Variants in CCSER1 observed in about 807,000 individuals in gnomAD.
CCSER1 encodes serine-rich coiled-coil domain-containing protein 1.
Under a neutral mutation model 82.0 loss-of-function variants are expected in CCSER1, and 41 were observed. The ratio of observed to expected loss-of-function variants is 0.50; its 90% CI spans 0.39 to 0.65. CCSER1 has a LOEUF of 0.65. CCSER1 is among the 30% of genes least tolerant of loss of function. The pLI is 0.00. For missense variants in CCSER1, 1,119 were observed against 1,064.2 expected (o/e 1.05, Z -0.72); for synonymous variants, 414 against 383.9 (o/e 1.08, Z -0.92).
In CCSER1 at chr4:90,467,445, G is replaced by A. The variant is rs185649964; in HGVS notation, c.1604-789G>A. 5.6e-3 allele frequency among the ~76,000 whole-genome samples: 853 copies of A among 152,124 alleles called. 5 individuals carry two copies. Among genetic ancestry groups the A allele is most frequent in the Non-Finnish European group, 9.3e-3 (629 of 67,986 alleles). ...TCATGCCTGTAATCCCAGCACTTTG[G>A]GAGGCTGAGGCGGGCCGATCTCGAG... On this transcript the variant is annotated intron_variant, in intron 4 of 10. Coordinates refer to ENST00000509176, the MANE Select transcript of CCSER1 (RefSeq NM_001145065.2).
chr4:91,366,810 T>C (rs1489341069), intron 10 of CCSER1, among the ~76,000 whole-genome samples: 1 of 152,196 alleles, frequency 6.6e-6, no homozygotes, highest in African/African-American at 2.4e-5. Flanking sequence ...ATAATGCAGT[T>C]TCACTATACA....
intron 10 of CCSER1, among the ~76,000 whole-genome samples, chr4:91,458,828 CTT>C (rs1192683153): frequency 1.3e-5 from 2 of 152,042 alleles, no homozygotes; most frequent in Non-Finnish European, 2.9e-5. Context: ...ATGCTGTTGA[CTT>C]TTGTACAATG....
chr4:91,512,037 G>A (rs1349734844), intron 10 of CCSER1, among the ~76,000 whole-genome samples: 1 of 152,100 alleles, frequency 6.6e-6, no homozygotes, highest in Admixed American at 6.6e-5. Context: ...GATCTGTGAT[G>A]GTTAATATTG....
intron 10 of CCSER1, among the ~76,000 whole-genome samples, chr4:91,212,649 G>T (rs1736914171): frequency 1.3e-5 from 2 of 152,044 alleles, no homozygotes; most frequent in African/African-American, 4.8e-5. Context: ...GAGGGTAAAA[G>T]AAAAAGTGAA....
intron 5 of CCSER1, among the ~76,000 whole-genome samples, chr4:90,551,343 T>C (rs1777452620): frequency 6.6e-6 from 1 of 152,156 alleles, no homozygotes; most frequent in Non-Finnish European, 1.5e-5. Flanking sequence ...TTCTCCCTCA[T>C]ATTTCATATT....
At chr4:90,134,533 T>A (rs956067344) in intron 1 of CCSER1, among the ~76,000 whole-genome samples, 1 of 152,220 alleles carries the variant, frequency 6.6e-6, no homozygotes, top group Non-Finnish European at 1.5e-5. Flanking sequence ...AATGAAAATT[T>A]AAGATGTAAC....
At chr4:90,164,041 A>G (rs1404848710) in intron 1 of CCSER1, among the ~76,000 whole-genome samples, 5 of 152,038 alleles carry the variant, frequency 3.3e-5, no homozygotes, top group Admixed American at 2.0e-4. Context: ...GTCTTGGGTC[A>G]TGTTTGTCAG....
intron 1 of CCSER1, among the ~76,000 whole-genome samples, chr4:90,268,597 A>C (rs9996134): frequency 0.055 from 8,369 of 152,110 alleles, 623 homozygotes; most frequent in African/African-American, 0.17. Context: ...GAGAAAATCA[A>C]CTTCACTAAA....
At chr4:91,438,492 T>G (rs1239574574) in intron 10 of CCSER1, among the ~76,000 whole-genome samples, 2 of 151,864 alleles carry the variant, frequency 1.3e-5, no homozygotes, top group African/African-American at 4.8e-5. Flanking sequence ...TACATCACCA[T>G]CATCAAAGAC....
intron 8 of CCSER1, among the ~76,000 whole-genome samples, chr4:90,827,467 A>G (rs987698159): frequency 2.0e-5 from 3 of 152,172 alleles, no homozygotes; most frequent in Non-Finnish European, 2.9e-5. Context: ...TACACTGGGT[A>G]ATGATAACAA....
At chr4:91,411,393 C>T (rs991822551) in intron 10 of CCSER1, among the ~76,000 whole-genome samples, 66 of 149,056 alleles carry the variant, frequency 4.4e-4, no homozygotes, top group African/African-American at 1.5e-3. Context: ...GTATTTCTAA[C>T]CTATTCTGCA....
At chr4:90,476,334 T>C (rs1765102841) in intron 5 of CCSER1, among the ~76,000 whole-genome samples, 1 of 152,096 alleles carries the variant, frequency 6.6e-6, no homozygotes, top group Admixed American at 6.5e-5. Context: ...TGGCCCTAGG[T>C]CCTACCCTCT....
intron 5 of CCSER1, among the ~76,000 whole-genome samples, chr4:90,623,659 C>T (rs183193203): frequency 6.6e-6 from 1 of 152,244 alleles, no homozygotes; most frequent in Non-Finnish European, 1.5e-5. Context: ...ATAACCACTA[C>T]ACTTACTATA....
At chr4:90,686,942 A>G (rs1734911769) in intron 6 of CCSER1, among the ~76,000 whole-genome samples, 3 of 152,160 alleles carry the variant, frequency 2.0e-5, no homozygotes, top group Non-Finnish European at 4.4e-5. Context: ...ACCACCTTAC[A>G]AAACAATGGA....
intron 4 of CCSER1, among the ~76,000 whole-genome samples, chr4:90,456,181 C>A (rs1762140789): frequency 6.6e-6 from 1 of 152,072 alleles, no homozygotes; most frequent in South Asian, 2.1e-4. Flanking sequence ...GGGAAGGTGC[C>A]TGGGGAAAAA....
chr4:91,518,231 C>T (rs986929535), intron 10 of CCSER1, among the ~76,000 whole-genome samples: 1 of 152,140 alleles, frequency 6.6e-6, no homozygotes, highest in African/African-American at 2.4e-5. Flanking sequence ...TTTCACTTGT[C>T]TCTTGGGGCT....
intron 7 of CCSER1, among the ~76,000 whole-genome samples, chr4:90,803,534 C>A (rs765388689): frequency 9.2e-5 from 14 of 152,218 alleles, no homozygotes; most frequent in Non-Finnish European, 1.5e-4. Flanking sequence ...CTGCAAAGGA[C>A]ATGAACTCAT....
chr4:90,823,619 C>T (rs62311062), intron 8 of CCSER1, among the ~76,000 whole-genome samples: 14,570 of 151,894 alleles, frequency 0.096, 752 homozygotes, highest in Admixed American at 0.14. Context: ...ATTTAAGATT[C>T]AAAACAAAAG....
chr4:90,429,303 A>G (rs1182521174), intron 4 of CCSER1, among the ~76,000 whole-genome samples: 1 of 151,822 alleles, frequency 6.6e-6, no homozygotes, highest in African/African-American at 2.4e-5. Context: ...TATTGTAACG[A>G]CACAGAGCCA....
Sources: allele counts gnomAD v4.1 joint callset (sites outside exome capture counted in the v4.1 genomes callset), GRCh38; gene constraint gnomAD v4.1.1; transcripts MANE v1.5; gene names NCBI Gene and HGNC (gene_info 2026-07-23, HGNC 2026-07-21).